The following RAD51C variants were observed in gnomAD, a reference collection of about 807,000 sequenced individuals.
RAD51C encodes the protein RAD51 paralog C, also known as DNA repair protein RAD51 homolog 3.
Under a neutral mutation model 45.0 loss-of-function variants are expected in RAD51C, and 42 were observed. The ratio of observed to expected loss-of-function variants is 0.93; its 90% CI spans 0.73 to 1.21. The LOEUF is 1.21. Ranked by LOEUF, RAD51C falls within the 50% of genes most tolerant of loss-of-function variation. The pLI, the probability that RAD51C is intolerant of heterozygous loss-of-function variation, is 0.00. For missense variants in RAD51C, 474 were observed against 452.2 expected (o/e 1.05, Z -0.44); for synonymous variants, 172 against 159.8 (o/e 1.08, Z -0.58).
chr17:58,729,139 A>G (rs1453114659), intron 7 of RAD51C, among the ~76,000 whole-genome samples: 1 of 152,194 alleles, frequency 6.6e-6, no homozygotes, highest in African/African-American at 2.4e-5. Context: ...TTTAGTTTTC[A>G]TTTTAAAAGA....
chr17:58,718,963 T>G (rs948384710), intron 5 of RAD51C, among the ~76,000 whole-genome samples: 2 of 152,094 alleles, frequency 1.3e-5, no homozygotes, highest in Non-Finnish European at 2.9e-5. Flanking sequence ...TGACACATGC[T>G]TATAATCCCG....
In RAD51C at chr17:58,735,135, A is replaced by G. The variant is rs1038412089; in HGVS notation, c.*913A>G. ...ACTTTGGAGCTGTTATCTCATCTAG[A>G]GATTGTTTGGAACATATGTCTTCCA... On this transcript the variant is annotated 3_prime_UTR_variant, in exon 9 of 9. Coordinates refer to ENST00000337432, the MANE Select transcript of RAD51C (RefSeq NM_058216.3). The G allele has an allele frequency of 1.3e-5, 2 of 152,118 alleles. No homozygotes were observed. Among genetic ancestry groups the G allele is most frequent in the African/African-American group, 4.8e-5 (2 of 41,416 alleles). 9.4% of individuals were successfully genotyped at this position (152,118 alleles called of 1,614,324 possible). A position where few individuals can be genotyped will look rare whatever the true frequency, so the allele number is the denominator to read the frequency against.
rs1555594643 is a variant in RAD51C, at chr17:58,696,742, G to T, written c.454G>T (p.Ala152Ser). The T allele has an allele frequency of 1.9e-6, 3 of 1,614,212 alleles. No homozygotes were observed. The highest frequency in any genetic ancestry group is 2.5e-6 in the Non-Finnish European group (3 of 1,180,042). The change falls in exon 3 of 9, where the codon GCA becomes TCA. Residue 152 changes from alanine to serine, a missense_variant. Transcript: ENST00000337432. Reference sequence around the variant, plus strand: ...GATACCAGAATGTTTTGGAGGAGTGGCAGGTGAAGCAGTTTTTATTGATAC... The same window carrying T: ...GATACCAGAATGTTTTGGAGGAGTGTCAGGTGAAGCAGTTTTTATTGATAC... ...VQIPECFGGV[A>S]GEAVFIDTEG...
In RAD51C at chr17:58,701,882, CATCCAATCTAAGAAAGATTTTAT is replaced by C. The variant is rs567788637; in HGVS notation, c.572-1311_572-1289del. 3.3e-4 allele frequency among the ~76,000 whole-genome samples: 50 copies of C among 152,202 alleles called. 1 individual carries two copies. The East Asian group carries it at 4.8e-3, about 15-fold the overall frequency. On this transcript the variant is annotated intron_variant, in intron 3 of 8. Transcript: ENST00000337432. ...CCAGCCTCAAACTGTTTGTTTTAAA[CATCCAATCTAAGAAAGATTTTAT>C]ATAATTGTTGCCAGTTAAATATCAA...
intron 1 of RAD51C, chr17:58,693,205 G>C (rs1323556610): frequency 1.8e-5 from 4 of 222,030 alleles, no homozygotes; most frequent in Non-Finnish European, 3.7e-5. Context: ...AAGGGGTAAG[G>C]GTTAAATTTC....
chr17:58,697,987 C>T lies in RAD51C; in HGVS notation c.571+1128C>T, dbSNP rs533424252. On this transcript the variant is annotated intron_variant, in intron 3 of 8. Coordinates refer to ENST00000337432, the MANE Select transcript of RAD51C (RefSeq NM_058216.3). Reference sequence around the variant, plus strand: ...TCAGCCTCCCAAAGTGCTGGGATTACGGGCGTGAGCCACCGCACCCGGCCA... The same window carrying T: ...TCAGCCTCCCAAAGTGCTGGGATTATGGGCGTGAGCCACCGCACCCGGCCA... Among the ~76,000 whole-genome samples, 7 of 151,904 alleles carry T rather than the reference C, an allele frequency of 4.6e-5. No homozygotes were observed. In the East Asian group the frequency reaches 1.4e-3, roughly 30 times the overall value.
At chr17:58,718,122 G>A (rs953419572) in intron 5 of RAD51C, among the ~76,000 whole-genome samples, 3 of 151,880 alleles carry the variant, frequency 2.0e-5, no homozygotes, top group East Asian at 1.9e-4. Context: ...TCAGCCTCCC[G>A]AGTAGCTGGG....
At position 58,709,894 on chromosome 17, in the gene RAD51C, A is replaced by G. The variant is rs1010366805; in HGVS notation, c.741A>G (p.Pro247=). 6.2e-7 allele frequency: 1 copy of G among 1,610,932 alleles called. No individual in the cohort carries two copies. The highest frequency in any genetic ancestry group is 8.5e-7 in the Non-Finnish European group (1 of 1,177,328). ...RLVIVDGIAF[P]FRHDLDDLSL... ...TGATAGTGGATGGTATTGCTTTTCCATTTCGTCATGACCTAGATGACCTGT... is the reference window on the plus strand; with the variant it reads ...TGATAGTGGATGGTATTGCTTTTCCGTTTCGTCATGACCTAGATGACCTGT... The change falls in exon 5 of 9, where the codon CCA becomes CCG. Residue 247 remains proline (P), a synonymous_variant. Transcript: ENST00000337432.
In RAD51C at chr17:58,694,842, T is replaced by C. The variant is rs2047934954; in HGVS notation, c.146-89T>C. The C allele has an allele frequency of 4.1e-6, 5 of 1,219,750 alleles. No individual in the cohort carries two copies. In the South Asian group the frequency reaches 4.9e-5, roughly 12 times the overall value. The allele number at this position is 1,219,750 out of a possible 1,614,324, so 75.6% of individuals were successfully genotyped here. Reference sequence around the variant, plus strand: ...GTTTCTCCACTCCTAGCATCACTGTTGTCTACAAATTAATAAAGACAATCG... The same window carrying C: ...GTTTCTCCACTCCTAGCATCACTGTCGTCTACAAATTAATAAAGACAATCG... On this transcript the variant is annotated intron_variant, in intron 1 of 8. Transcript: ENST00000337432.
chr17:58,710,317 TA>T (rs71143280), intron 5 of RAD51C, among the ~76,000 whole-genome samples: 129 of 67,430 alleles, frequency 1.9e-3, no homozygotes, highest in South Asian at 8.0e-3. Context: ...CTGTCTCTAC[TA>T]AAAAAAAAAA....
chr17:58,710,095 C>A, intron 5 of RAD51C, 105 bp downstream of exon 5: 3 of 1,319,790 alleles, frequency 2.3e-6, no homozygotes, highest in Non-Finnish European at 3.2e-6. Flanking sequence ...ATAATATAGA[C>A]ATGCAGTTTT....
chr17:58,715,139 A>C lies in RAD51C; in HGVS notation c.837+5149A>C, dbSNP rs184439339. On this transcript the variant is annotated intron_variant, in intron 5 of 8. Transcript: ENST00000337432. ...CACAGTTCCAGATTATTAAAAAAAAAAAAACAAAAAAAAACAAAAAACCTC... is the reference window on the plus strand; with the variant it reads ...CACAGTTCCAGATTATTAAAAAAAACAAAACAAAAAAAAACAAAAAACCTC... Among the ~76,000 whole-genome samples, 13 of 144,344 alleles carry C rather than the reference A, an allele frequency of 9.0e-5. No individual in the cohort carries two copies. The East Asian group carries it at 2.2e-3, about 24-fold the overall frequency. 94.7% of individuals were successfully genotyped at this position (144,344 alleles called of 152,430 possible). A position where few individuals can be genotyped will look rare whatever the true frequency, so the allele number is the denominator to read the frequency against.
rs2144046795 is a variant in RAD51C, at chr17:58,732,550, T to A, written c.1026+6T>A. 6.2e-7 allele frequency: 1 copy of A among 1,608,880 alleles called. No homozygotes were observed. The highest frequency in any genetic ancestry group is 1.1e-5 in the South Asian group (1 of 90,966). On this transcript the variant is annotated splice_donor_region_variant and intron_variant, in intron 8 of 8. Coordinates refer to ENST00000337432, the MANE Select transcript of RAD51C (RefSeq NM_058216.3). ...CAGTACTGTTTCAAATCAAAGTCAG[T>A]ATTATTTGATTAGAGTGGGATTTTG...
intron 7 of RAD51C, among the ~76,000 whole-genome samples, chr17:58,724,780 C>T (rs304270): frequency 0.64 from 96,553 of 151,972 alleles, 31,050 homozygotes; most frequent in African/African-American, 0.71. Context: ...ATGTCAGATT[C>T]ATGCTAGCCT....
intron 5 of RAD51C, among the ~76,000 whole-genome samples, chr17:58,711,579 G>C (rs940085955): frequency 2.0e-5 from 3 of 151,956 alleles, no homozygotes; most frequent in Non-Finnish European, 4.4e-5. Context: ...TGCCACCTCA[G>C]CCTCCCTAGT....
At chr17:58,709,182 G>A (rs2048470528) in intron 4 of RAD51C, among the ~76,000 whole-genome samples, 1 of 149,222 alleles carries the variant, frequency 6.7e-6, no homozygotes, top group African/African-American at 2.5e-5. Flanking sequence ...GGGTTCAAGA[G>A]ATTCTCCTGC....
At chr17:58,693,246 A>G (rs948983687) in intron 1 of RAD51C, 1 of 176,794 alleles carries the variant, frequency 5.7e-6, no homozygotes, top group South Asian at 1.0e-4. Flanking sequence ...AGGACTAGAG[A>G]CACTAAGAAT....
chr17:58,708,559 C>A (rs2048448035), intron 4 of RAD51C, among the ~76,000 whole-genome samples: 1 of 152,074 alleles, frequency 6.6e-6, no homozygotes, highest in South Asian at 2.1e-4. Flanking sequence ...TTTAATCCAA[C>A]CCTTACTAGA....
At chr17:58,731,431 G>T (rs1023545046) in intron 7 of RAD51C, among the ~76,000 whole-genome samples, 3 of 151,960 alleles carry the variant, frequency 2.0e-5, no homozygotes, top group African/African-American at 4.8e-5. Context: ...GGCTAATTTT[G>T]TATTTTTAGT....
Sources: allele counts gnomAD v4.1 joint callset (sites outside exome capture counted in the v4.1 genomes callset), GRCh38; gene constraint gnomAD v4.1.1; transcripts MANE v1.5; gene names NCBI Gene and HGNC (gene_info 2026-07-23, HGNC 2026-07-21).